The following ARK2C variants were observed in gnomAD, a reference collection of about 807,000 sequenced individuals.
ARK2C encodes E3 ubiquitin-protein ligase ARK2C.
the ARK2C span, among the ~76,000 whole-genome samples, chr18:46,341,977 G>A: frequency 1.1e-4 from 17 of 152,354 alleles, no homozygotes; most frequent in Non-Finnish European, 2.1e-4. Context: ...ACCCAGTAGC[G>A]TATTGGGAGA....
chr18:46,347,518 C>T, the ARK2C span, among the ~76,000 whole-genome samples: 5 of 152,228 alleles, frequency 3.3e-5, no homozygotes, highest in South Asian at 4.1e-4. Flanking sequence ...CCCTCTGAAG[C>T]GGGCAACCCT....
chr18:46,458,533 A>C, the ARK2C span: 1 of 152,680 alleles, frequency 6.5e-6, no homozygotes, highest in Non-Finnish European at 1.5e-5. Flanking sequence ...CAGTGAAGGA[A>C]ATTTGAGTCT....
chr18:46,353,041 A>C, the ARK2C span, among the ~76,000 whole-genome samples: 1 of 152,234 alleles, frequency 6.6e-6, no homozygotes, highest in Non-Finnish European at 1.5e-5. Context: ...GTAGGAAGTG[A>C]GAAGCCATCC....
the ARK2C span, among the ~76,000 whole-genome samples, chr18:46,388,700 A>G: frequency 1.3e-5 from 2 of 152,152 alleles, no homozygotes; most frequent in African/African-American, 4.8e-5. Flanking sequence ...GGGTTTACTC[A>G]CCAATCCTAG....
the ARK2C span, among the ~76,000 whole-genome samples, chr18:46,416,422 T>A: frequency 0.012 from 1,825 of 152,344 alleles, 31 homozygotes; most frequent in African/African-American, 0.042. Flanking sequence ...AGCCCTGTCC[T>A]GAGGGTGCTC....
the ARK2C span, among the ~76,000 whole-genome samples, chr18:46,387,425 A>G: frequency 2.0e-5 from 3 of 152,208 alleles, no homozygotes; most frequent in African/African-American, 7.2e-5. Flanking sequence ...ATCCAGTACA[A>G]AAACAGCATT....
At chr18:46,426,226 G>T in the ARK2C span, among the ~76,000 whole-genome samples, 1 of 152,092 alleles carries the variant, frequency 6.6e-6, no homozygotes, top group Non-Finnish European at 1.5e-5. Context: ...TCCACATTTG[G>T]CTTTCAGGAA....
the ARK2C span, among the ~76,000 whole-genome samples, chr18:46,348,898 TTCTGTGTGTGTGTGTG>T: frequency 4.9e-5 from 6 of 123,258 alleles, no homozygotes; most frequent in South Asian, 6.0e-4. Flanking sequence ...CTCTCTCTCT[TTCTGTGTGTGTGTGTG>T]TGTGTGTGTG....
chr18:46,450,232 G>T, the ARK2C span: 3 of 1,021,256 alleles, frequency 2.9e-6, no homozygotes, highest in South Asian at 1.3e-5. Context: ...TGGAGAAGTT[G>T]CATGCTGGGC....
the ARK2C span, among the ~76,000 whole-genome samples, chr18:46,384,965 C>G: frequency 2.0e-5 from 3 of 152,254 alleles, no homozygotes; most frequent in East Asian, 3.8e-4. Context: ...TTCAGCTCCA[C>G]TCACTTCTTG....
chr18:46,374,083 C>T, the ARK2C span, among the ~76,000 whole-genome samples: 18,310 of 152,206 alleles, frequency 0.12, 1,362 homozygotes, highest in South Asian at 0.21. Context: ...ATCCCTGTCC[C>T]CCACCTCCCC....
chr18:46,388,260 A>G, the ARK2C span, among the ~76,000 whole-genome samples: 8 of 152,070 alleles, frequency 5.3e-5, no homozygotes, highest in African/African-American at 1.7e-4. Context: ...TCGAAGATTC[A>G]CCACTCATAC....
the ARK2C span, among the ~76,000 whole-genome samples, chr18:46,398,843 T>C: frequency 6.6e-6 from 1 of 151,896 alleles, no homozygotes; most frequent in East Asian, 1.9e-4. Context: ...TTCTGCCCTC[T>C]CTCGTCTGGT....
At chr18:46,406,751 G>A in the ARK2C span, among the ~76,000 whole-genome samples, 1 of 152,238 alleles carries the variant, frequency 6.6e-6, no homozygotes, top group Non-Finnish European at 1.5e-5. Flanking sequence ...CCAGGTGTTG[G>A]GCTATGGGCT....
At chr18:46,435,313 C>A in the ARK2C span, 1 of 1,614,124 alleles carries the variant, frequency 6.2e-7, no homozygotes, top group Non-Finnish European at 8.5e-7. Flanking sequence ...GTGTATCTGT[C>A]CACCCCCACC....
chr18:46,363,081 T>C, the ARK2C span, among the ~76,000 whole-genome samples: 3 of 152,208 alleles, frequency 2.0e-5, no homozygotes, highest in Non-Finnish European at 4.4e-5. Flanking sequence ...TGTTCACTGC[T>C]ATATCCCCAT....
At chr18:46,418,980 T>TGA in the ARK2C span, among the ~76,000 whole-genome samples, 5 of 152,176 alleles carry the variant, frequency 3.3e-5, no homozygotes, top group East Asian at 3.8e-4. Context: ...AAAGTAAAAG[T>TGA]GAGAGAGAGA....
At chr18:46,409,439 G>A in the ARK2C span, among the ~76,000 whole-genome samples, 3 of 152,212 alleles carry the variant, frequency 2.0e-5, no homozygotes, top group East Asian at 1.9e-4. Context: ...TAGTTTAGCC[G>A]AGGACAGGGC....
the ARK2C span, among the ~76,000 whole-genome samples, chr18:46,364,480 C>A: frequency 1.3e-5 from 2 of 152,088 alleles, no homozygotes. Context: ...TTGTGGGCTC[C>A]CCAGAGAACC....
Sources: allele counts gnomAD v4.1 joint callset (sites outside exome capture counted in the v4.1 genomes callset), GRCh38; gene constraint gnomAD v4.1.1; transcripts MANE v1.5; gene names NCBI Gene and HGNC (gene_info 2026-07-23, HGNC 2026-07-21).